The following TFCP2 variants were observed in gnomAD, a reference collection of about 807,000 sequenced individuals.
The protein encoded by TFCP2 is transcription factor CP2, also known as alpha-globin transcription factor CP2.
A neutral mutation model predicts 73.4 loss-of-function variants in TFCP2; 33 were observed. The ratio of observed to expected loss-of-function variants is 0.45; its 90% CI spans 0.34 to 0.60. The LOEUF (loss-of-function observed/expected upper bound fraction) is 0.60. Ranked by LOEUF, TFCP2 falls within the 20% of genes least tolerant of loss-of-function variation. The pLI is 0.01. For missense variants in TFCP2, 352 were observed against 604.0 expected, an observed-to-expected ratio of 0.58 and a Z score of 4.37; for synonymous variants, 193 against 211.6, an observed-to-expected ratio of 0.91 and a Z score of 0.76.
At chr12:51,098,946 C>A in intron 12 of TFCP2, 28 bp from the exon 13 acceptor site, 2 of 1,611,816 alleles carry the variant, frequency 1.2e-6, no homozygotes, top group South Asian at 2.2e-5. Context: ...CAACAGCAGT[C>A]AGTACAAAGT....
intron 4 of TFCP2, 120 bp from the exon 5 acceptor site, chr12:51,111,103 A>G (rs900144713): frequency 4.3e-5 from 28 of 650,668 alleles, no homozygotes; most frequent in Non-Finnish European, 6.7e-5. Flanking sequence ...CACATCCTAA[A>G]TTTCTTTGTT....
intron 1 of TFCP2, among the ~76,000 whole-genome samples, chr12:51,148,699 C>CA (rs140565414): frequency 0.65 from 64,416 of 99,738 alleles, 20,001 homozygotes; most frequent in Non-Finnish European, 0.66. Flanking sequence ...GACTCTGTCT[C>CA]AAAAAAAAAA....
Position 51,101,963 on chromosome 12 carries a change from T to C in TFCP2, c.1123A>G (p.Ile375Val), listed in dbSNP as rs1164034623. 6.2e-7 allele frequency: 1 copy of C among 1,613,044 alleles called. No individual in the cohort carries two copies. Among genetic ancestry groups the C allele is most frequent in the Non-Finnish European group, 8.5e-7 (1 of 1,179,254 alleles). ...VIQICGPADG[I>V]RLFNALKGRM... Reference sequence around the variant, plus strand: ...CCTTTTAATGCATTAAAAAGTCTGATTCCATCTGCAGGGCCACAGATTTGG... The same window carrying C: ...CCTTTTAATGCATTAAAAAGTCTGACTCCATCTGCAGGGCCACAGATTTGG... The change falls in exon 11 of 15, where the codon ATC becomes GTC. Residue 375 changes from isoleucine to valine, a missense_variant. Physicochemically the swap from Ile to Val is conservative, Grantham distance 29. Transcript: ENST00000257915.
At chr12:51,155,159 C>G (rs1941511660) in intron 1 of TFCP2, among the ~76,000 whole-genome samples, 1 of 152,150 alleles carries the variant, frequency 6.6e-6, no homozygotes, top group Non-Finnish European at 1.5e-5. Flanking sequence ...GCCTTTGGAC[C>G]CCAGGACTTA....
intron 13 of TFCP2, 28 bp downstream of exon 13, chr12:51,098,748 G>T: frequency 6.2e-7 from 1 of 1,612,542 alleles, no homozygotes; most frequent in Non-Finnish European, 8.5e-7. Flanking sequence ...ATCATCATCT[G>T]GTAATTCAAC....
chr12:51,163,201 G>A (rs1941685391), intron 1 of TFCP2, among the ~76,000 whole-genome samples: 1 of 152,336 alleles, frequency 6.6e-6, no homozygotes, highest in Middle Eastern at 3.4e-3. Flanking sequence ...TTGGGAGACT[G>A]AGGTGGGAGG....
At chr12:51,140,758 A>C (rs1368099518) in intron 1 of TFCP2, among the ~76,000 whole-genome samples, 2 of 151,380 alleles carry the variant, frequency 1.3e-5, no homozygotes, top group Non-Finnish European at 2.9e-5. Context: ...GCAACCATCT[A>C]ATTTTTAAAT....
intron 1 of TFCP2, among the ~76,000 whole-genome samples, chr12:51,147,085 G>A (rs1343157177): frequency 6.6e-6 from 1 of 152,250 alleles, no homozygotes; most frequent in Non-Finnish European, 1.5e-5. Context: ...GCTCACGCCT[G>A]TAATCCCAGC....
In TFCP2 at chr12:51,173,086, C is replaced by A. The variant is rs982919769; in HGVS notation, c.-664G>T. 6.6e-6 allele frequency: 1 copy of A among 152,572 alleles called. No homozygotes were observed. Among genetic ancestry groups the A allele is most frequent in the Admixed American group, 6.5e-5 (1 of 15,278 alleles). 9.5% of individuals were successfully genotyped at this position (152,572 alleles called of 1,614,324 possible). A position where few individuals can be genotyped will look rare whatever the true frequency, so the allele number is the denominator to read the frequency against. Reference sequence around the variant, plus strand: ...GCCAGGCCCTTCCACCGTCCGCCGCCCCAGCGCCAACCAATCATGGCGTCC... The same window carrying A: ...GCCAGGCCCTTCCACCGTCCGCCGCACCAGCGCCAACCAATCATGGCGTCC... On this transcript the variant is annotated 5_prime_UTR_variant, in exon 1 of 15. Transcript: ENST00000257915.
chr12:51,151,309 T>G (rs1592831623), intron 1 of TFCP2, among the ~76,000 whole-genome samples: 1 of 152,182 alleles, frequency 6.6e-6, no homozygotes, highest in East Asian at 1.9e-4. Context: ...AGGAGAAAAG[T>G]AGCATGATCT....
chr12:51,134,140 G>A (rs1941012056), intron 1 of TFCP2, among the ~76,000 whole-genome samples: 1 of 152,124 alleles, frequency 6.6e-6, no homozygotes, highest in Non-Finnish European at 1.5e-5. Flanking sequence ...ATGTTCTTTA[G>A]TTTTGTGGTT....
chr12:51,135,124 A>C (rs1023939671), intron 1 of TFCP2, among the ~76,000 whole-genome samples: 26 of 151,428 alleles, frequency 1.7e-4, no homozygotes, highest in African/African-American at 6.3e-4. Flanking sequence ...AAAAAAAAAA[A>C]ACAAAAAACC....
At chr12:51,141,559 C>T (rs1454982222) in intron 1 of TFCP2, among the ~76,000 whole-genome samples, 2 of 151,486 alleles carry the variant, frequency 1.3e-5, no homozygotes, top group Admixed American at 1.3e-4. Context: ...TTAATAAACA[C>T]TATTTTTTTA....
At chr12:51,124,965 A>G in intron 1 of TFCP2, 1 of 743,882 alleles carries the variant, frequency 1.3e-6, no homozygotes, top group Non-Finnish European at 2.5e-6. Context: ...GTCGTTGCTC[A>G]CCTGCCTGGA....
rs1940771941 is a variant in TFCP2 at position 51,124,837 on chromosome 12, C to A, written c.123-6065G>T. 4.0e-6 allele frequency: 5 copies of A among 1,264,970 alleles called. No homozygotes were observed. In the South Asian group the frequency reaches 4.7e-5, roughly 12 times the overall value. The allele number at this position is 1,264,970 out of a possible 1,614,324, so 78.4% of individuals were successfully genotyped here. A position where few individuals can be genotyped will look rare whatever the true frequency, so the allele number is the denominator to read the frequency against. On this transcript the variant is annotated intron_variant, in intron 1 of 14. Transcript: ENST00000257915. Reference sequence around the variant, plus strand: ...TCCTTCACAAATCTGGCCCTCTCTGCTTCCTGCTGAGCCACCTGTTTGGCT... The same window carrying A: ...TCCTTCACAAATCTGGCCCTCTCTGATTCCTGCTGAGCCACCTGTTTGGCT...
chr12:51,152,966 G>A (rs1455457273), intron 1 of TFCP2, among the ~76,000 whole-genome samples: 1 of 152,168 alleles, frequency 6.6e-6, no homozygotes, highest in Non-Finnish European at 1.5e-5. Flanking sequence ...ACTAGCCCCT[G>A]GCAACCATCA....
chr12:51,136,215 A>C (rs1007213569), intron 1 of TFCP2, among the ~76,000 whole-genome samples: 2 of 151,856 alleles, frequency 1.3e-5, no homozygotes, highest in African/African-American at 2.4e-5. Context: ...AGGCTGAGGC[A>C]GGAGAATCTC....
At chr12:51,133,125 A>G (rs756223215) in intron 1 of TFCP2, among the ~76,000 whole-genome samples, 2 of 152,150 alleles carry the variant, frequency 1.3e-5, no homozygotes, top group Non-Finnish European at 2.9e-5. Flanking sequence ...CCTTAATTAG[A>G]ACAGTTCTAC....
intron 10 of TFCP2, 28 bp from the exon 11 acceptor site, chr12:51,102,053 T>C (rs747779137): frequency 4.1e-6 from 6 of 1,463,378 alleles, no homozygotes; most frequent in Admixed American, 1.7e-5. Context: ...AAATGGATGA[T>C]AAAGGCAAAG....
Sources: allele counts gnomAD v4.1 joint callset (sites outside exome capture counted in the v4.1 genomes callset), GRCh38; gene constraint gnomAD v4.1.1; transcripts MANE v1.5; gene names NCBI Gene and HGNC (gene_info 2026-07-23, HGNC 2026-07-21).